Variants in AFF3 observed in about 807,000 individuals in gnomAD.
The protein encoded by AFF3 is ALF transcription elongation factor 3.
A neutral mutation model predicts 129.7 loss-of-function variants in AFF3; 32 were observed. The observed-to-expected ratio is 0.25, with a 90% CI of 0.19 to 0.33. The LOEUF (loss-of-function observed/expected upper bound fraction) is 0.33, where lower values mean the gene tolerates loss of function less well. Ranked by LOEUF, AFF3 falls within the 10% of genes least tolerant of loss-of-function variation. The probability of loss-of-function intolerance (pLI) is 1.00; values close to 1 mark genes in which losing one functional copy is unlikely to be tolerated. For synonymous variants in AFF3, 644 were observed against 635.4 expected (o/e 1.01, Z -0.20); for missense variants, 1,373 against 1,592.0 (o/e 0.86, Z 2.34).
At chr2:99,893,522 C>T (rs1035474464) in intron 7 of AFF3, among the ~76,000 whole-genome samples, 2 of 152,310 alleles carry the variant, frequency 1.3e-5, no homozygotes, top group East Asian at 1.9e-4. Context: ...TAAGAAGAGA[C>T]ATCAGAGACA....
At chr2:99,870,621 T>A (rs1230587579) in intron 7 of AFF3, among the ~76,000 whole-genome samples, 2 of 152,220 alleles carry the variant, frequency 1.3e-5, no homozygotes, top group Admixed American at 6.5e-5. Context: ...GACAATCCTC[T>A]GCAGGCCAGC....
intron 4 of AFF3, among the ~76,000 whole-genome samples, chr2:100,059,250 T>G (rs1160858977): frequency 5.6e-5 from 3 of 53,188 alleles, no homozygotes; most frequent in African/African-American, 3.6e-4. Context: ...TGAGACTCTG[T>G]CTCCAAAAAA....
intron 12 of AFF3, among the ~76,000 whole-genome samples, chr2:99,659,017 A>G (rs1196670145): frequency 1.3e-5 from 2 of 152,204 alleles, no homozygotes; most frequent in African/African-American, 4.8e-5. Context: ...TTATATCCTT[A>G]TTGTTGATCT....
intron 1 of AFF3, 42 bp from the exon 2 acceptor site, chr2:100,129,348 G>A (rs1345074531): frequency 2.0e-5 from 3 of 151,256 alleles, no homozygotes; most frequent in African/African-American, 7.3e-5. Context: ...AAAAACATCA[G>A]TTTAGTAGTT....
At chr2:99,824,911 G>A (rs1399182991) in intron 8 of AFF3, among the ~76,000 whole-genome samples, 1 of 152,176 alleles carries the variant, frequency 6.6e-6, no homozygotes, top group East Asian at 1.9e-4. Flanking sequence ...TAATTTAGGA[G>A]TCTAAACAAC....
At chr2:99,583,173 A>T (rs1325482483) in intron 16 of AFF3, among the ~76,000 whole-genome samples, 174 bp from the exon 17 acceptor site, 1 of 152,138 alleles carries the variant, frequency 6.6e-6, no homozygotes, top group African/African-American at 2.4e-5. Flanking sequence ...CAATAAGCAA[A>T]TCTCACTCAC....
At chr2:99,980,444 C>A (rs1452182519) in intron 7 of AFF3, among the ~76,000 whole-genome samples, 2 of 152,170 alleles carry the variant, frequency 1.3e-5, no homozygotes, top group East Asian at 1.9e-4. Flanking sequence ...TGAAGAAAGG[C>A]AATGATTTCT....
chr2:99,609,477 G>A (rs1021835521), intron 13 of AFF3, among the ~76,000 whole-genome samples: 3 of 152,078 alleles, frequency 2.0e-5, no homozygotes, highest in African/African-American at 4.8e-5. Flanking sequence ...GAGAACACAC[G>A]ACGCTTGATT....
chr2:99,827,436 G>C (rs1192229965), intron 8 of AFF3, among the ~76,000 whole-genome samples: 2 of 152,094 alleles, frequency 1.3e-5, no homozygotes, highest in Non-Finnish European at 2.9e-5. Flanking sequence ...TCAAATGCCT[G>C]CCAGAGATCA....
chr2:99,677,263 CAAA>C (rs386390727), intron 11 of AFF3, among the ~76,000 whole-genome samples: 10 of 105,156 alleles, frequency 9.5e-5, no homozygotes, highest in African/African-American at 1.5e-4. Flanking sequence ...GACCCTGTCT[CAAA>C]AAAAAAAAAA....
In AFF3 at chr2:99,677,925, C is replaced by T. The variant is rs185618418; in HGVS notation, c.1092-5336G>A. Among the ~76,000 whole-genome samples the T allele has an allele frequency of 5.7e-3, 869 of 152,226 alleles. 10 individuals carry two copies. Among genetic ancestry groups the T allele is most frequent in the African/African-American group, 0.02 (841 of 41,504 alleles). On this transcript the variant is annotated intron_variant, in intron 11 of 24. Transcript: ENST00000672756. ...CCTTGAACTCCTAGGCTCAAGCAATCGTCCCACCTCAGCCTCCCATGTATC... is the reference window on the plus strand; with the variant it reads ...CCTTGAACTCCTAGGCTCAAGCAATTGTCCCACCTCAGCCTCCCATGTATC...
intron 4 of AFF3, among the ~76,000 whole-genome samples, chr2:100,063,573 T>C (rs907925121): frequency 1.3e-5 from 2 of 151,594 alleles, no homozygotes; most frequent in East Asian, 1.9e-4. Flanking sequence ...AATGAAAAAA[T>C]TACCTAAAAG....
chr2:99,827,864 G>T (rs1688208520), intron 8 of AFF3, among the ~76,000 whole-genome samples: 1 of 152,012 alleles, frequency 6.6e-6, no homozygotes, highest in Non-Finnish European at 1.5e-5. Context: ...GCCGAGAACA[G>T]AGCCTGGAAC....
chr2:100,049,662 C>T (rs1559086816), intron 4 of AFF3, among the ~76,000 whole-genome samples: 1 of 152,184 alleles, frequency 6.6e-6, no homozygotes, highest in South Asian at 2.1e-4. Context: ...TGAGAGCTAT[C>T]AAGAGAATGT....
intron 10 of AFF3, among the ~76,000 whole-genome samples, chr2:99,740,232 T>A (rs1178580638): frequency 1.3e-5 from 2 of 150,140 alleles, no homozygotes; most frequent in East Asian, 3.9e-4. Context: ...TTTGGGTTGG[T>A]TCCAAGTCTT....
intron 7 of AFF3, among the ~76,000 whole-genome samples, chr2:99,920,578 A>G (rs1431819153): frequency 6.6e-6 from 1 of 152,042 alleles, no homozygotes; most frequent in African/African-American, 2.4e-5. Flanking sequence ...ATCTAGAAAA[A>G]ATGTATAGCT....
intron 11 of AFF3, among the ~76,000 whole-genome samples, chr2:99,703,492 C>T (rs994895697): frequency 6.6e-6 from 1 of 152,164 alleles, no homozygotes; most frequent in African/African-American, 2.4e-5. Context: ...ATTGTTTCAA[C>T]ACCATTCATT....
chr2:100,020,878 C>T (rs1476289818), intron 4 of AFF3, among the ~76,000 whole-genome samples: 1 of 152,218 alleles, frequency 6.6e-6, no homozygotes, highest in African/African-American at 2.4e-5. Context: ...CGTTCCTCCC[C>T]CGTCAAGCCA....
intron 13 of AFF3, among the ~76,000 whole-genome samples, chr2:99,611,374 T>C (rs935735382): frequency 1.3e-5 from 2 of 152,206 alleles, no homozygotes; most frequent in Non-Finnish European, 2.9e-5. Flanking sequence ...TGATTTTCTA[T>C]TGTATTCTGA....
Sources: allele counts gnomAD v4.1 joint callset (sites outside exome capture counted in the v4.1 genomes callset), GRCh38; gene constraint gnomAD v4.1.1; transcripts MANE v1.5; gene names NCBI Gene and HGNC (gene_info 2026-07-23, HGNC 2026-07-21).